Variants in SLC17A4 observed in about 807,000 individuals in gnomAD.
SLC17A4 encodes the protein probable small intestine urate exporter.
SLC17A4 carries 33 observed loss-of-function variants against 52.5 expected under a neutral mutation model. That is an observed-to-expected ratio of 0.63 (90% confidence interval 0.48 to 0.84). The LOEUF is 0.84. SLC17A4 is among the 40% of genes least tolerant of loss of function. SLC17A4 has a pLI of 0.00. For missense variants in SLC17A4, 585 were observed against 597.1 expected, an observed-to-expected ratio of 0.98 and a Z score of 0.21; for synonymous variants, 225 against 216.2, an observed-to-expected ratio of 1.04 and a Z score of -0.36.
At chr6:25,760,220 T>C (rs36106741) in intron 1 of SLC17A4, among the ~76,000 whole-genome samples, 3 of 152,240 alleles carry the variant, frequency 2.0e-5, no homozygotes, top group East Asian at 1.9e-4. Flanking sequence ...CCCATGTTTG[T>C]TCTTAATCTA....
chr6:25,777,288 T>A, intron 10 of SLC17A4: 1 of 244,896 alleles, frequency 4.1e-6, no homozygotes, highest in Non-Finnish European at 7.8e-6. Flanking sequence ...TTCTATAGGG[T>A]ATGCTCATGA....
intron 11 of SLC17A4, among the ~76,000 whole-genome samples, chr6:25,778,290 C>A (rs1763106723): frequency 6.6e-6 from 1 of 151,892 alleles, no homozygotes; most frequent in Non-Finnish European, 1.5e-5. Flanking sequence ...ATATACCATT[C>A]ACTTACTGGT....
rs930072612 is a variant in SLC17A4 at position 25,777,869 on chromosome 6, G to A, written c.1269-57G>A. 93 of 1,444,860 alleles carry A rather than the reference G, an allele frequency of 6.4e-5. No individual in the cohort carries two copies. The African/African-American group carries it at 1.2e-3, about 19-fold the overall frequency. The allele number at this position is 1,444,860 out of a possible 1,614,324, so 89.5% of individuals were successfully genotyped here. ...TATTTGCCTCCCTCTCCCGGGTATT[G>A]AGACTTTCAAACGTAGGTATACTTG... On this transcript the variant is annotated intron_variant, in intron 10 of 11. Transcript: ENST00000377905.
Position 25,776,618 on chromosome 6 carries a change from G to A in SLC17A4, c.1011G>A (p.Pro337=), listed in dbSNP as rs138073751. The A allele has an allele frequency of 1.2e-5, 20 of 1,611,320 alleles. No homozygotes were observed. The highest frequency in any genetic ancestry group is 3.3e-4 in the Middle Eastern group (2 of 6,038). ...LRDSGILSAL[P]FVVGCICIIL... ...AGAGTGGGATCCTGTCTGCCTTGCCGTTTGTTGTTGGATGTATCTGCATTA... is the reference window on the plus strand; with the variant it reads ...AGAGTGGGATCCTGTCTGCCTTGCCATTTGTTGTTGGATGTATCTGCATTA... The change falls in exon 9 of 12, where the codon CCG becomes CCA. Residue 337 remains proline (P), a synonymous_variant. Transcript: ENST00000377905.
intron 2 of SLC17A4, among the ~76,000 whole-genome samples, chr6:25,763,226 C>A (rs549073572): frequency 8.2e-4 from 125 of 152,334 alleles, no homozygotes; most frequent in African/African-American, 3.0e-3. Context: ...CCACTCCAGG[C>A]TATAGCTGTA....
In SLC17A4 at chr6:25,770,296, C is replaced by T; in HGVS notation, c.527C>T (p.Ala176Val). Reference sequence around the variant, plus strand: ...GTCCTCCGGATTGTACAAGGCATAGCCCAGGTACCAAGATGTTTTCCAGGT... The same window carrying T: ...GTCCTCCGGATTGTACAAGGCATAGTCCAGGTACCAAGATGTTTTCCAGGT... ...LIVLRIVQGI[A>V]QVMVLTGQYS... Residue 176 changes from alanine to valine, a missense_variant, in exon 4 of 12, where the codon GCC (alanine) becomes GTC (valine). Coordinates refer to ENST00000377905, the MANE Select transcript of SLC17A4 (RefSeq NM_005495.3). The T allele has an allele frequency of 6.2e-7, 1 of 1,613,858 alleles. No individual in the cohort carries two copies. The highest frequency in any genetic ancestry group is 1.1e-5 in the South Asian group (1 of 91,074).
chr6:25,775,014 C>A (rs17269374), intron 8 of SLC17A4, among the ~76,000 whole-genome samples: 15,803 of 152,090 alleles, frequency 0.1, 1,040 homozygotes, highest in Middle Eastern at 0.15. Flanking sequence ...CAACAAGGTT[C>A]AACATTTTAA....
chr6:25,758,120 A>T (rs1265149309), intron 1 of SLC17A4, among the ~76,000 whole-genome samples: 2 of 152,178 alleles, frequency 1.3e-5, no homozygotes, highest in Non-Finnish European at 2.9e-5. Flanking sequence ...TCACCACCTC[A>T]TGCCCTTAGA....
chr6:25,780,518 G>A lies in SLC17A4; in HGVS notation c.*1330G>A, dbSNP rs1003319006. The A allele has an allele frequency of 6.6e-6, 1 of 152,220 alleles. No individual in the cohort carries two copies. The highest frequency in any genetic ancestry group is 2.4e-5 in the African/African-American group (1 of 41,444). The allele number at this position is 152,220 out of a possible 1,614,324, so 9.4% of individuals were successfully genotyped here. On this transcript the variant is annotated 3_prime_UTR_variant, in exon 12 of 12. Transcript: ENST00000377905. ...AGAACAGCATAAGCAAAAGTTTCAT[G>A]GCAGGAGGGAGAAATTAGCTATGGC...
intron 2 of SLC17A4, among the ~76,000 whole-genome samples, chr6:25,767,071 A>G (rs895296342): frequency 6.6e-6 from 1 of 152,194 alleles, no homozygotes; most frequent in Non-Finnish European, 1.5e-5. Context: ...GAACTCAACA[A>G]TTCTATATAT....
chr6:25,762,203 G>T, intron 2 of SLC17A4, 150 bp downstream of exon 2: 1 of 601,468 alleles, frequency 1.7e-6, no homozygotes, highest in South Asian at 2.5e-5. Context: ...ATTCTATACG[G>T]TTATACATTG....
intron 8 of SLC17A4, among the ~76,000 whole-genome samples, chr6:25,775,708 G>A (rs1483837770): frequency 6.6e-6 from 1 of 152,148 alleles, no homozygotes; most frequent in African/African-American, 2.4e-5. Context: ...GATTACAGGT[G>A]TGAGCCACCA....
At chr6:25,769,422 G>A (rs1168771590) in intron 3 of SLC17A4, among the ~76,000 whole-genome samples, 1 of 152,062 alleles carries the variant, frequency 6.6e-6, no homozygotes, top group Non-Finnish European at 1.5e-5. Flanking sequence ...GCCAGGCATG[G>A]TCATAGGCAC....
Position 25,759,994 on chromosome 6 carries a change from G to T in SLC17A4, c.-36-1933G>T, listed in dbSNP as rs183024672. On this transcript the variant is annotated intron_variant, in intron 1 of 11. Transcript: ENST00000377905. ...GTCCTGAAACATATTATTCTGTGTGGCTGTGCTTATTAGTCTCTGGTACAC... is the reference window on the plus strand; with the variant it reads ...GTCCTGAAACATATTATTCTGTGTGTCTGTGCTTATTAGTCTCTGGTACAC... 3.7e-4 allele frequency among the ~76,000 whole-genome samples: 56 copies of T among 152,196 alleles called. No homozygotes were observed. The East Asian group carries it at 0.01, about 28-fold the overall frequency.
intron 8 of SLC17A4, 48 bp from the exon 9 acceptor site, chr6:25,776,547 G>A (rs770889232): frequency 1.9e-6 from 3 of 1,549,494 alleles, no homozygotes; most frequent in East Asian, 2.3e-5. Flanking sequence ...CTGTGTCGTG[G>A]TGGGGGTGGT....
chr6:25,780,867 T>C lies in SLC17A4; in HGVS notation c.*1679T>C, dbSNP rs1763251282. 1 of 152,180 alleles carries C rather than the reference T, an allele frequency of 6.6e-6. No homozygotes were observed. Among genetic ancestry groups the C allele is most frequent in the South Asian group, 2.1e-4 (1 of 4,826 alleles). 9.4% of individuals were successfully genotyped at this position (152,180 alleles called of 1,614,324 possible). On this transcript the variant is annotated 3_prime_UTR_variant, in exon 12 of 12. Coordinates refer to ENST00000377905, the MANE Select transcript of SLC17A4 (RefSeq NM_005495.3). ...TATTACTAAGTGAGAGAGTGAAAGATGTCCAGAGTAACTCCTGAGTTTTGG... is the reference window on the plus strand; with the variant it reads ...TATTACTAAGTGAGAGAGTGAAAGACGTCCAGAGTAACTCCTGAGTTTTGG...
At chr6:25,772,740 G>T (rs1322208640) in intron 6 of SLC17A4, among the ~76,000 whole-genome samples, 1 of 152,200 alleles carries the variant, frequency 6.6e-6, no homozygotes, top group Non-Finnish European at 1.5e-5. Flanking sequence ...ACTCTGCAAA[G>T]CATGACTAGC....
At chr6:25,764,757 G>C (rs898228997) in intron 2 of SLC17A4, among the ~76,000 whole-genome samples, 1 of 152,174 alleles carries the variant, frequency 6.6e-6, no homozygotes, top group African/African-American at 2.4e-5. Context: ...GGTGAAGCGT[G>C]CATGGGTCCA....
intron 2 of SLC17A4, among the ~76,000 whole-genome samples, chr6:25,766,906 G>A (rs746683823): frequency 6.6e-6 from 1 of 152,084 alleles, no homozygotes; most frequent in Non-Finnish European, 1.5e-5. Context: ...TCCCTATATG[G>A]GATTCTGGAA....
Sources: allele counts gnomAD v4.1 joint callset (sites outside exome capture counted in the v4.1 genomes callset), GRCh38; gene constraint gnomAD v4.1.1; transcripts MANE v1.5; gene names NCBI Gene and HGNC (gene_info 2026-07-23, HGNC 2026-07-21).